Variants in PPP1R36 observed in about 807,000 individuals in gnomAD.
PPP1R36 encodes the protein chromosome 14 open reading frame 50.
In PPP1R36, 47 loss-of-function variants were observed where a neutral mutation model predicts 53.4. The ratio of observed to expected loss-of-function variants is 0.88; its 90% confidence interval spans 0.70 to 1.12. The LOEUF (loss-of-function observed/expected upper bound fraction) is 1.12. PPP1R36 is among the 50% of genes most tolerant of loss of function. The pLI is 0.00. For synonymous variants in PPP1R36, 153 were observed against 170.5 expected (o/e 0.90, Z 0.80); for missense variants, 456 against 513.9 (o/e 0.89, Z 1.09).
In PPP1R36 at chr14:64,588,476, C is replaced by T. The variant is rs948414330; in HGVS notation, c.1082+181C>T. 5.5e-5 allele frequency: 26 copies of T among 474,576 alleles called. No homozygotes were observed. In the South Asian group the frequency reaches 1.3e-3, roughly 24 times the overall value. 29.4% of individuals were successfully genotyped at this position (474,576 alleles called of 1,614,324 possible). A position where few individuals can be genotyped will look rare whatever the true frequency, so the allele number is the denominator to read the frequency against. ...CCTTTCTAGAGAATCTTGAGGTACA[C>T]CCATCTAGACCAGAAAAACAATTGC... On this transcript the variant is annotated intron_variant, in intron 11 of 11. Transcript: ENST00000298705.
At chr14:64,552,973 CA>C in intron 3 of PPP1R36, 112 bp downstream of exon 3, 10 of 972,504 alleles carry the variant, frequency 1.0e-5, no homozygotes, top group Admixed American at 4.8e-5. Flanking sequence ...TATTAAGTGC[CA>C]ATTTTTTTTT....
chr14:64,554,139 A>ATTTTTTTTTTTT (rs1235272685), intron 3 of PPP1R36, among the ~76,000 whole-genome samples: 1 of 109,018 alleles, frequency 9.2e-6, no homozygotes, highest in Non-Finnish European at 1.9e-5. Flanking sequence ...TCCCATCACA[A>ATTTTTTTTTTTT]TTGTTTTTTT....
At chr14:64,550,701 A>T (rs896573373) in intron 1 of PPP1R36, among the ~76,000 whole-genome samples, 1 of 152,084 alleles carries the variant, frequency 6.6e-6, no homozygotes, top group South Asian at 2.1e-4. Context: ...CCTAAAATCA[A>T]TCAAAGCGAT....
intron 10 of PPP1R36, 90 bp from the exon 11 acceptor site, chr14:64,588,014 G>T (rs2080449833): frequency 7.9e-7 from 1 of 1,258,962 alleles, no homozygotes; most frequent in Non-Finnish European, 1.1e-6. Flanking sequence ...AAAGGGTTGG[G>T]ATTACAGGCA....
At chr14:64,569,309 T>C (rs549675102) in intron 7 of PPP1R36, among the ~76,000 whole-genome samples, 11 of 152,122 alleles carry the variant, frequency 7.2e-5, no homozygotes, top group Non-Finnish European at 1.6e-4. Context: ...GATTTAGCTG[T>C]TAGGAATGCT....
At position 64,561,843 on chromosome 14, in the gene PPP1R36, G is replaced by A. The variant is rs75308435; in HGVS notation, c.183-2908G>A. On this transcript the variant is annotated intron_variant, in intron 3 of 11. Transcript: ENST00000298705. Reference sequence around the variant, plus strand: ...GCAGTCTGCCTGAATGTTTGCCAAGGTCATGGACTCCCCTGAGGACATAAA... The same window carrying A: ...GCAGTCTGCCTGAATGTTTGCCAAGATCATGGACTCCCCTGAGGACATAAA... 8.6e-3 allele frequency: 3,907 copies of A among 455,898 alleles called. 130 individuals carry two copies. The highest frequency in any genetic ancestry group is 0.072 in the African/African-American group (3,621 of 50,104). The allele number at this position is 455,898 out of a possible 1,614,324, so 28.2% of individuals were successfully genotyped here.
intron 6 of PPP1R36, among the ~76,000 whole-genome samples, chr14:64,567,438 A>G (rs752563821): frequency 6.6e-6 from 1 of 152,252 alleles, no homozygotes; most frequent in Non-Finnish European, 1.5e-5. Context: ...GCTCTTTAAA[A>G]GAAAGACGGA....
At chr14:64,584,590 G>A (rs1021747848) in intron 8 of PPP1R36, among the ~76,000 whole-genome samples, 3 of 152,296 alleles carry the variant, frequency 2.0e-5, no homozygotes, top group Middle Eastern at 3.4e-3. Flanking sequence ...TGTTCAGTAC[G>A]TTTATCTGCA....
chr14:64,559,985 C>G (rs1283903816), intron 3 of PPP1R36, among the ~76,000 whole-genome samples: 3 of 151,564 alleles, frequency 2.0e-5, no homozygotes, highest in Non-Finnish European at 4.4e-5. Context: ...TGCCTGCAGT[C>G]CCAACTACTT....
chr14:64,561,841 A>G (rs938922994), intron 3 of PPP1R36: 2 of 456,000 alleles, frequency 4.4e-6, no homozygotes, highest in Non-Finnish European at 8.8e-6. Flanking sequence ...ATGTTTGCCA[A>G]GGTCATGGAC....
chr14:64,550,899 C>T, intron 1 of PPP1R36, 22 bp from the exon 2 acceptor site: 1 of 1,579,846 alleles, frequency 6.3e-7, no homozygotes, highest in Non-Finnish European at 8.6e-7. Context: ...ATTATTTTTG[C>T]TGCAATCATT....
Position 64,568,378 on chromosome 14 carries a change from CATT to C in PPP1R36, c.468_470del (p.Leu157del), listed in dbSNP as rs746605432. 4.5e-6 allele frequency: 7 copies of C among 1,547,302 alleles called. No individual in the cohort carries two copies. The highest frequency in any genetic ancestry group is 1.9e-5 in the Admixed American group (1 of 51,344). On this transcript the variant is annotated inframe_deletion, in exon 7 of 12. Coordinates refer to ENST00000298705, the MANE Select transcript of PPP1R36 (RefSeq NM_172365.3). ...AAGAATCTTGATAATTTCCTCATGG[CATT>C]ATTGTACTACTTATCCCATTACTTG...
intron 8 of PPP1R36, 95 bp downstream of exon 8, chr14:64,574,684 G>T: frequency 3.6e-6 from 5 of 1,377,858 alleles, no homozygotes; most frequent in South Asian, 1.4e-5. Context: ...TTGAGAAAAT[G>T]TTCCTTTTTC....
chr14:64,570,731 T>C (rs2080296048), intron 7 of PPP1R36, among the ~76,000 whole-genome samples: 1 of 152,178 alleles, frequency 6.6e-6, no homozygotes, highest in African/African-American at 2.4e-5. Context: ...ACCCAGTGCA[T>C]GGCACTTGGG....
chr14:64,564,894 C>T lies in PPP1R36; in HGVS notation c.269+57C>T, dbSNP rs945581850. On this transcript the variant is annotated intron_variant, in intron 4 of 11. Coordinates refer to ENST00000298705, the MANE Select transcript of PPP1R36 (RefSeq NM_172365.3). ...CTGATAGCATCTCTCAGTGGAATGG[C>T]TTCAGCCTTTACAAACTACGAAAAT... 1.4e-5 allele frequency: 16 copies of T among 1,180,060 alleles called. No homozygotes were observed. In the African/African-American group the frequency reaches 2.5e-4, roughly 19 times the overall value. The allele number at this position is 1,180,060 out of a possible 1,614,324, so 73.1% of individuals were successfully genotyped here. A position where few individuals can be genotyped will look rare whatever the true frequency, so the allele number is the denominator to read the frequency against.
chr14:64,588,555 A>ATTTT (rs34440209), intron 11 of PPP1R36: 61 of 149,772 alleles, frequency 4.1e-4, no homozygotes, highest in East Asian at 6.3e-4. Context: ...TGAGTAACTG[A>ATTTT]TTTTTTTTTT....
At chr14:64,578,020 T>A (rs894038864) in intron 8 of PPP1R36, among the ~76,000 whole-genome samples, 59 of 151,218 alleles carry the variant, frequency 3.9e-4, no homozygotes, top group African/African-American at 1.4e-3. Flanking sequence ...CCACTGCACC[T>A]GGCCTTTTTT....
intron 7 of PPP1R36, among the ~76,000 whole-genome samples, chr14:64,573,750 T>G (rs1236281560): frequency 6.7e-6 from 1 of 150,114 alleles, no homozygotes; most frequent in Non-Finnish European, 1.5e-5. Flanking sequence ...CTGTCTCTAC[T>G]AAAAATACAA....
intron 7 of PPP1R36, among the ~76,000 whole-genome samples, chr14:64,570,461 G>A (rs1025482228): frequency 2.0e-5 from 3 of 151,976 alleles, no homozygotes; most frequent in African/African-American, 7.3e-5. Flanking sequence ...CAGCCTGGGC[G>A]ACAGAGCGAG....
Sources: allele counts gnomAD v4.1 joint callset (sites outside exome capture counted in the v4.1 genomes callset), GRCh38; gene constraint gnomAD v4.1.1; transcripts MANE v1.5; gene names NCBI Gene and HGNC (gene_info 2026-07-23, HGNC 2026-07-21).